The following TRHDE variants were observed in gnomAD, a reference collection of about 807,000 sequenced individuals.
TRHDE encodes the protein thyrotropin releasing hormone degrading enzyme, also known as thyrotropin-releasing hormone-degrading ectoenzyme.
A neutral mutation model predicts 125.7 loss-of-function variants in TRHDE; 72 were observed. The ratio of observed to expected loss-of-function variants is 0.57; its 90% CI spans 0.47 to 0.70. The LOEUF (loss-of-function observed/expected upper bound fraction) is 0.70. Among genes scored for constraint, TRHDE ranks in the 30% least tolerant of loss-of-function variants. TRHDE has a pLI of 0.00. For synonymous variants in TRHDE, 509 were observed against 509.1 expected (o/e 1.00, Z 0.00); for missense variants, 1,110 against 1,327.1 (o/e 0.84, Z 2.54).
At chr12:72,232,340 A>T (rs1878263437) in intron 2 of TRHDE, among the ~76,000 whole-genome samples, 1 of 152,158 alleles carries the variant, frequency 6.6e-6, no homozygotes, top group Non-Finnish European at 1.5e-5. Context: ...CTCCTTGTCT[A>T]GTACCTGGCC....
chr12:72,564,087 T>C (rs1870314524), intron 9 of TRHDE, among the ~76,000 whole-genome samples: 1 of 152,166 alleles, frequency 6.6e-6, no homozygotes, highest in Admixed American at 6.5e-5. Context: ...GTGACTACAT[T>C]TGGAATCCGA....
intron 3 of TRHDE, among the ~76,000 whole-genome samples, chr12:72,465,765 T>G (rs144622631): frequency 6.6e-6 from 1 of 152,298 alleles, no homozygotes; most frequent in East Asian, 1.9e-4. Context: ...TGTGAAGACA[T>G]AGAACAGAGC....
intron 3 of TRHDE, among the ~76,000 whole-genome samples, chr12:72,387,742 C>T (rs1414467567): frequency 6.6e-6 from 1 of 152,018 alleles, no homozygotes; most frequent in Non-Finnish European, 1.5e-5. Context: ...GACTGTTCTC[C>T]TGGTAGTGAA....
At chr12:72,291,370 T>C (rs530688330) in intron 2 of TRHDE, among the ~76,000 whole-genome samples, 8 of 152,318 alleles carry the variant, frequency 5.3e-5, no homozygotes, top group African/African-American at 1.9e-4. Context: ...ACTGGGCACA[T>C]GTTACCAGTT....
chr12:72,506,328 A>C (rs1878357064), intron 6 of TRHDE, among the ~76,000 whole-genome samples: 1 of 152,090 alleles, frequency 6.6e-6, no homozygotes, highest in Non-Finnish European at 1.5e-5. Flanking sequence ...CAAACAAACA[A>C]ACAAACAAAA....
intron 6 of TRHDE, among the ~76,000 whole-genome samples, chr12:72,521,456 G>T (rs1034725929): frequency 6.6e-6 from 1 of 152,042 alleles, no homozygotes; most frequent in Non-Finnish European, 1.5e-5. Context: ...GAGAGTGTGA[G>T]TCGCAGCAAT....
intron 2 of TRHDE, among the ~76,000 whole-genome samples, chr12:72,186,905 TAA>T (rs569153611): frequency 5.7e-4 from 87 of 152,164 alleles, no homozygotes; most frequent in African/African-American, 2.0e-3. Context: ...GGAAGTAGGA[TAA>T]AGAGTCTGTG....
chr12:72,256,583 A>C (rs536882301), intron 2 of TRHDE: 1 of 152,324 alleles, frequency 6.6e-6, no homozygotes, highest in African/African-American at 2.4e-5. Context: ...CACTATGCCA[A>C]GAACAGTGCC....
intron 5 of TRHDE, among the ~76,000 whole-genome samples, chr12:72,496,294 T>C (rs539962657): frequency 1.3e-5 from 2 of 152,316 alleles, no homozygotes; most frequent in African/African-American, 4.8e-5. Context: ...TCTGTTCTCA[T>C]GCTGCTAATA....
In TRHDE at chr12:72,632,594, A is replaced by C. The variant is rs139484279; in HGVS notation, c.2675+10843A>C. On this transcript the variant is annotated intron_variant, in intron 15 of 18. Transcript: ENST00000261180. The stretch of plus-strand genomic sequence containing the variant: ...TGTTTTAGACTGAGTCATCATAGAT[A>C]TCTTAATTTTTCTACCTATAAAGCA... Among the ~76,000 whole-genome samples the C allele has an allele frequency of 6.0e-3, 911 of 152,024 alleles. 5 individuals carry two copies. The highest frequency in any genetic ancestry group is 0.031 in the Middle Eastern group (9 of 294).
intron 3 of TRHDE, among the ~76,000 whole-genome samples, chr12:72,417,356 A>T (rs1277342700): frequency 6.6e-6 from 1 of 152,026 alleles, no homozygotes; most frequent in African/African-American, 2.4e-5. Context: ...ATTGGCAGAG[A>T]TTAACAATTA....
At chr12:72,572,155 A>C (rs1158935640) in intron 10 of TRHDE, among the ~76,000 whole-genome samples, 1 of 152,122 alleles carries the variant, frequency 6.6e-6, no homozygotes, top group Non-Finnish European at 1.5e-5. Flanking sequence ...GAAGACCAGT[A>C]TGTATTATTT....
At chr12:72,409,428 T>C (rs947120402) in intron 3 of TRHDE, among the ~76,000 whole-genome samples, 2 of 152,156 alleles carry the variant, frequency 1.3e-5, no homozygotes, top group Non-Finnish European at 2.9e-5. Flanking sequence ...TCTGGCTTCT[T>C]CTAATAGGGA....
At position 72,667,257 on chromosome 12, in the gene TRHDE, A is replaced by C. The variant is rs770724653; in HGVS notation, c.*4062A>C. 6.6e-6 allele frequency: 1 copy of C among 151,918 alleles called. No individual in the cohort carries two copies. The highest frequency in any genetic ancestry group is 2.4e-5 in the African/African-American group (1 of 41,444). 9.4% of individuals were successfully genotyped at this position (151,918 alleles called of 1,614,324 possible). A position where few individuals can be genotyped will look rare whatever the true frequency, so the allele number is the denominator to read the frequency against. ...TTCGCCTGGGTACTCTCATGAAGTA[A>C]CCATGTACACCTAATAAAGAAATAG... On this transcript the variant is annotated 3_prime_UTR_variant, in exon 19 of 19. Coordinates refer to ENST00000261180, the MANE Select transcript of TRHDE (RefSeq NM_013381.3).
At chr12:72,238,301 TA>T (rs1565669862) in intron 2 of TRHDE, among the ~76,000 whole-genome samples, 3 of 33,716 alleles carry the variant, frequency 8.9e-5, no homozygotes, top group African/African-American at 3.0e-4. Context: ...TATATATATA[TA>T]TATATATATA....
intron 7 of TRHDE, among the ~76,000 whole-genome samples, chr12:72,547,516 C>T (rs1016859628): frequency 6.6e-6 from 1 of 151,762 alleles, no homozygotes; most frequent in Non-Finnish European, 1.5e-5. Flanking sequence ...GAGTTTACTA[C>T]TGTGAATAAT....
intron 2 of TRHDE, among the ~76,000 whole-genome samples, chr12:72,146,947 G>A (rs1161049835): frequency 6.6e-6 from 1 of 152,178 alleles, no homozygotes; most frequent in East Asian, 1.9e-4. Context: ...GTGGGAAGGC[G>A]GTTTTCCCCT....
chr12:72,366,708 T>G (rs1475398836), intron 2 of TRHDE, among the ~76,000 whole-genome samples: 4 of 151,948 alleles, frequency 2.6e-5, no homozygotes, highest in Admixed American at 2.0e-4. Flanking sequence ...CCCCATAGTA[T>G]GTAGCAGACC....
At chr12:72,289,434 A>G (rs945980103) in intron 2 of TRHDE, among the ~76,000 whole-genome samples, 4 of 152,192 alleles carry the variant, frequency 2.6e-5, no homozygotes, top group African/African-American at 4.8e-5. Context: ...TCAAGCATTC[A>G]GACTGAATCC....
Sources: allele counts gnomAD v4.1 joint callset (sites outside exome capture counted in the v4.1 genomes callset), GRCh38; gene constraint gnomAD v4.1.1; transcripts MANE v1.5; gene names NCBI Gene and HGNC (gene_info 2026-07-23, HGNC 2026-07-21).